Variants in BMAL1 observed in about 807,000 individuals in gnomAD.
The protein encoded by BMAL1 is basic helix-loop-helix ARNT like 1.
the BMAL1 span, among the ~76,000 whole-genome samples, chr11:13,335,371 T>C: frequency 3.9e-5 from 6 of 152,360 alleles, no homozygotes; most frequent in Non-Finnish European, 7.3e-5. Flanking sequence ...GGTAAATAGC[T>C]AACCTCTCTG....
chr11:13,352,101 G>A, the BMAL1 span, among the ~76,000 whole-genome samples: 1 of 152,260 alleles, frequency 6.6e-6, no homozygotes, highest in Admixed American at 6.5e-5. Context: ...ATCCAGGCAT[G>A]AGCTGGGGAA....
the BMAL1 span, among the ~76,000 whole-genome samples, chr11:13,359,842 G>A: frequency 2.4e-4 from 36 of 152,236 alleles, no homozygotes; most frequent in East Asian, 6.2e-3. Flanking sequence ...TGCCACGCTC[G>A]TTTAACTCAC....
chr11:13,369,824 C>A, the BMAL1 span: 2 of 1,576,736 alleles, frequency 1.3e-6, no homozygotes, highest in Admixed American at 3.8e-5. Context: ...CTTTCTGCAG[C>A]GGAGCTCTCA....
At chr11:13,317,074 T>C in the BMAL1 span, among the ~76,000 whole-genome samples, 1 of 152,224 alleles carries the variant, frequency 6.6e-6, no homozygotes, top group Non-Finnish European at 1.5e-5. Flanking sequence ...GAAGATGTGC[T>C]TAGCACCGTG....
chr11:13,337,518 A>G, the BMAL1 span, among the ~76,000 whole-genome samples: 4 of 152,238 alleles, frequency 2.6e-5, no homozygotes, highest in African/African-American at 7.2e-5. Flanking sequence ...TAATTTAGGC[A>G]TGAAATTACT....
the BMAL1 span, among the ~76,000 whole-genome samples, chr11:13,335,519 G>T: frequency 1.3e-5 from 2 of 152,178 alleles, no homozygotes; most frequent in Non-Finnish European, 2.9e-5. Flanking sequence ...AGAGGGGAAG[G>T]CAGGGGTGCT....
At chr11:13,367,422 T>A in the BMAL1 span, among the ~76,000 whole-genome samples, 3 of 152,156 alleles carry the variant, frequency 2.0e-5, no homozygotes, top group Non-Finnish European at 2.9e-5. Context: ...GGACTCTGGC[T>A]GGGCGCAGTG....
At chr11:13,341,706 T>G in the BMAL1 span, among the ~76,000 whole-genome samples, 1 of 152,242 alleles carries the variant, frequency 6.6e-6, no homozygotes, top group Non-Finnish European at 1.5e-5. Flanking sequence ...GGAGTATTAC[T>G]CCCTGAGTCT....
chr11:13,293,341 T>A, the BMAL1 span, among the ~76,000 whole-genome samples: 2 of 152,230 alleles, frequency 1.3e-5, no homozygotes, highest in Admixed American at 6.5e-5. Context: ...AGTCCAGCCC[T>A]TTTACTTCAT....
chr11:13,296,977 C>A, the BMAL1 span, among the ~76,000 whole-genome samples: 88,621 of 152,072 alleles, frequency 0.58, 27,906 homozygotes, highest in Non-Finnish European at 0.7. Flanking sequence ...TGCTTGGCCT[C>A]AGGGTGCCAG....
At chr11:13,340,202 A>G in the BMAL1 span, among the ~76,000 whole-genome samples, 3 of 152,294 alleles carry the variant, frequency 2.0e-5, no homozygotes, top group South Asian at 4.1e-4. Context: ...TTGCCAGTCA[A>G]CCAAACCCTG....
At chr11:13,385,637 C>T in the BMAL1 span, 246,162 of 1,362,966 alleles carry the variant, frequency 0.18, 23,457 homozygotes, top group Admixed American at 0.3. Flanking sequence ...TTCCTTTTGG[C>T]ATTGCTCATA....
the BMAL1 span, chr11:13,354,196 C>T: frequency 5.6e-5 from 40 of 712,670 alleles, no homozygotes; most frequent in East Asian, 4.5e-4. Flanking sequence ...GGTCTCCCCC[C>T]CCGGCCCCCC....
At chr11:13,292,358 A>G in the BMAL1 span, among the ~76,000 whole-genome samples, 1 of 151,810 alleles carries the variant, frequency 6.6e-6, no homozygotes, top group South Asian at 2.1e-4. Flanking sequence ...TCCTGCTAGC[A>G]CGGTGAAACC....
At chr11:13,323,721 A>AT in the BMAL1 span, among the ~76,000 whole-genome samples, 1 of 152,168 alleles carries the variant, frequency 6.6e-6, no homozygotes, top group African/African-American at 2.4e-5. Context: ...GGTTTGAGAA[A>AT]TTCTCGTGCC....
At chr11:13,277,424 G>A in the BMAL1 span, among the ~76,000 whole-genome samples, 9 of 152,204 alleles carry the variant, frequency 5.9e-5, no homozygotes, top group Non-Finnish European at 1.3e-4. Flanking sequence ...GGAGAGGGCA[G>A]GGGCGAGGAA....
chr11:13,362,283 C>G, the BMAL1 span, among the ~76,000 whole-genome samples: 1 of 152,170 alleles, frequency 6.6e-6, no homozygotes, highest in African/African-American at 2.4e-5. Flanking sequence ...AGTACTGCCT[C>G]CTCCCCCTTC....
the BMAL1 span, among the ~76,000 whole-genome samples, chr11:13,333,501 C>T: frequency 6.6e-6 from 1 of 152,178 alleles, no homozygotes; most frequent in African/African-American, 2.4e-5. Context: ...GTGCAAAGTC[C>T]ATCCTCCTTC....
At chr11:13,315,913 C>T in the BMAL1 span, among the ~76,000 whole-genome samples, 1 of 152,200 alleles carries the variant, frequency 6.6e-6, no homozygotes, top group Non-Finnish European at 1.5e-5. Flanking sequence ...TTCTGGAGCT[C>T]ACTGAGTGCG....
Sources: allele counts gnomAD v4.1 joint callset (sites outside exome capture counted in the v4.1 genomes callset), GRCh38; gene constraint gnomAD v4.1.1; transcripts MANE v1.5; gene names NCBI Gene and HGNC (gene_info 2026-07-23, HGNC 2026-07-21).